The following HECW2 variants were observed in gnomAD, a reference collection of about 807,000 sequenced individuals.
The protein encoded by HECW2 is E3 ubiquitin-protein ligase HECW2.
Under a neutral mutation model 175.2 loss-of-function variants are expected in HECW2, and 61 were observed. The ratio of observed to expected loss-of-function variants is 0.35; its 90% CI spans 0.28 to 0.43. The LOEUF (loss-of-function observed/expected upper bound fraction) is 0.43. Among genes scored for constraint, HECW2 ranks in the 20% least tolerant of loss-of-function variants. The probability of loss-of-function intolerance (pLI) is 1.00; values close to 1 mark genes in which losing one functional copy is unlikely to be tolerated. For missense variants in HECW2, 1,524 were observed against 2,000.5 expected (o/e 0.76, Z 4.54); for synonymous variants, 671 against 731.0 (o/e 0.92, Z 1.32).
intron 1 of HECW2, among the ~76,000 whole-genome samples, chr2:196,517,222 T>C (rs942958741): frequency 4.6e-5 from 7 of 152,214 alleles, no homozygotes; most frequent in Non-Finnish European, 1.0e-4. Flanking sequence ...AAGGTAGATC[T>C]CTAAGCCAGT....
intron 2 of HECW2, among the ~76,000 whole-genome samples, chr2:196,392,788 G>A (rs142942823): frequency 2.6e-5 from 4 of 152,188 alleles, no homozygotes; most frequent in African/African-American, 7.2e-5. Flanking sequence ...AAAGATTTTC[G>A]TATTGGAAAA....
chr2:196,221,746 G>C (rs1200529423), intron 24 of HECW2, among the ~76,000 whole-genome samples: 7 of 152,070 alleles, frequency 4.6e-5, no homozygotes, highest in Admixed American at 4.6e-4. Flanking sequence ...TTTTTGTAGA[G>C]ATAGGGTTTC....
rs535029095 is a variant in HECW2, at chr2:196,196,994, G to C, written c.*4283C>G. The C allele has an allele frequency of 2.6e-5, 4 of 152,214 alleles. No homozygotes were observed. Among genetic ancestry groups the C allele is most frequent in the Non-Finnish European group, 4.4e-5 (3 of 68,150 alleles). 9.4% of individuals were successfully genotyped at this position (152,214 alleles called of 1,614,324 possible). A position where few individuals can be genotyped will look rare whatever the true frequency, so the allele number is the denominator to read the frequency against. On this transcript the variant is annotated 3_prime_UTR_variant, in exon 29 of 29. Coordinates refer to ENST00000644978, the MANE Select transcript of HECW2 (RefSeq NM_001348768.2). Reference sequence around the variant, plus strand: ...AGTTACTCAGGAGGCTGAGGTGGGAGGATCGCTTGAGCCTGGGAGGTGGAG... The same window carrying C: ...AGTTACTCAGGAGGCTGAGGTGGGACGATCGCTTGAGCCTGGGAGGTGGAG...
chr2:196,484,224 A>T (rs1175103187), intron 1 of HECW2, among the ~76,000 whole-genome samples: 1 of 152,218 alleles, frequency 6.6e-6, no homozygotes, highest in Non-Finnish European at 1.5e-5. Context: ...GTGAGCACTC[A>T]TTCCATGTAT....
chr2:196,499,437 T>C (rs1687506263), intron 1 of HECW2, among the ~76,000 whole-genome samples: 1 of 152,180 alleles, frequency 6.6e-6, no homozygotes, highest in African/African-American at 2.4e-5. Flanking sequence ...CATGCCTTGA[T>C]AATATAAATA....
At chr2:196,235,766 C>A (rs1688229412) in intron 21 of HECW2, among the ~76,000 whole-genome samples, 1 of 150,756 alleles carries the variant, frequency 6.6e-6, no homozygotes, top group African/African-American at 2.4e-5. Context: ...CGCCATTCTC[C>A]TGCCTCAGCC....
intron 4 of HECW2, chr2:196,331,247 T>A (rs1045403244): frequency 4.8e-5 from 47 of 984,590 alleles, no homozygotes; most frequent in Non-Finnish European, 5.4e-5. Flanking sequence ...TCAACAAACA[T>A]GTGTGGTTTA....
chr2:196,419,272 C>T (rs749071475), intron 2 of HECW2, among the ~76,000 whole-genome samples: 11 of 152,262 alleles, frequency 7.2e-5, no homozygotes, highest in South Asian at 2.1e-4. Context: ...ACAGAGTGGG[C>T]GATTTTTCTG....
chr2:196,465,714 G>A (rs976792095), intron 1 of HECW2, among the ~76,000 whole-genome samples: 42 of 149,512 alleles, frequency 2.8e-4, no homozygotes, highest in African/African-American at 1.0e-3. Context: ...ATACGTGGCC[G>A]TTCTGGACAC....
chr2:196,349,520 C>T (rs557508415), intron 2 of HECW2, among the ~76,000 whole-genome samples: 2 of 150,826 alleles, frequency 1.3e-5, no homozygotes, highest in Admixed American at 6.6e-5. Flanking sequence ...AAAAGTGAAA[C>T]GTGTGTGTGT....
rs537908833 is a variant in HECW2 at position 196,320,870 on chromosome 2, G to C, written c.885-431C>G. On this transcript the variant is annotated intron_variant, in intron 7 of 28. Coordinates refer to ENST00000644978, the MANE Select transcript of HECW2 (RefSeq NM_001348768.2). ...CGGCATTTAGCACAACAGAAAGCTG[G>C]TTCTAAAAGGACACTCACAGCTAAG... 5.9e-5 allele frequency among the ~76,000 whole-genome samples: 9 copies of C among 152,318 alleles called. No homozygotes were observed. The East Asian group carries it at 1.4e-3, about 23-fold the overall frequency.
In HECW2 at chr2:196,503,805, T is replaced by C. The variant is rs187756044; in HGVS notation, c.-35-70347A>G. 5.9e-4 allele frequency among the ~76,000 whole-genome samples: 90 copies of C among 152,314 alleles called. No individual in the cohort carries two copies. The East Asian group carries it at 9.3e-3, about 16-fold the overall frequency. The stretch of plus-strand genomic sequence containing the variant: ...AACACAAACACAAAAGTTTCAAAAA[T>C]AAGCCGCAGCATTTTAAAAGTTGTT... On this transcript the variant is annotated intron_variant, in intron 1 of 28. Transcript: ENST00000644978.
intron 2 of HECW2, among the ~76,000 whole-genome samples, chr2:196,364,613 T>C (rs1410415896): frequency 6.6e-6 from 1 of 152,240 alleles, no homozygotes. Flanking sequence ...TAACGACTTT[T>C]TATCAACAAA....
chr2:196,313,409 A>G (rs553282748), intron 10 of HECW2, among the ~76,000 whole-genome samples: 1 of 152,356 alleles, frequency 6.6e-6, no homozygotes, highest in African/African-American at 2.4e-5. Context: ...ATTGAGTCCA[A>G]GCTACTTCCC....
chr2:196,310,923 A>T (rs1287506462), intron 10 of HECW2, among the ~76,000 whole-genome samples: 2 of 152,168 alleles, frequency 1.3e-5, no homozygotes, highest in African/African-American at 2.4e-5. Context: ...CAATCAAACA[A>T]TTGCAAAGGT....
At chr2:196,593,040 G>C (rs894549304) in intron 1 of HECW2, among the ~76,000 whole-genome samples, 1 of 151,534 alleles carries the variant, frequency 6.6e-6, no homozygotes, top group African/African-American at 2.4e-5. Context: ...CGCAGGGGCA[G>C]AGCGCGCTCG....
chr2:196,539,991 G>A (rs1689156500), intron 1 of HECW2, among the ~76,000 whole-genome samples: 1 of 152,304 alleles, frequency 6.6e-6, no homozygotes, highest in South Asian at 2.1e-4. Context: ...CAGGACAGCG[G>A]ATGAATGAGC....
intron 1 of HECW2, among the ~76,000 whole-genome samples, chr2:196,438,109 A>G (rs1225490078): frequency 6.6e-6 from 1 of 152,180 alleles, no homozygotes; most frequent in Non-Finnish European, 1.5e-5. Context: ...ATATTTGCTG[A>G]ATGAATAAAA....
chr2:196,285,766 C>T (rs1690365006), intron 14 of HECW2, among the ~76,000 whole-genome samples: 1 of 152,204 alleles, frequency 6.6e-6, no homozygotes, highest in African/African-American at 2.4e-5. Context: ...AATCGTCATG[C>T]TAACTTGGTT....
Sources: allele counts gnomAD v4.1 joint callset (sites outside exome capture counted in the v4.1 genomes callset), GRCh38; gene constraint gnomAD v4.1.1; transcripts MANE v1.5; gene names NCBI Gene and HGNC (gene_info 2026-07-23, HGNC 2026-07-21).